Variants in CYYR1 observed in about 807,000 individuals in gnomAD.
CYYR1 encodes the protein cysteine and tyrosine rich 1.
A neutral mutation model predicts 15.2 loss-of-function variants in CYYR1; 14 were observed. The observed-to-expected ratio is 0.92, with a 90% CI of 0.61 to 1.44. The LOEUF (loss-of-function observed/expected upper bound fraction) is 1.44. Among genes scored for constraint, CYYR1 ranks in the 40% most tolerant of loss-of-function variants. The pLI, the probability that CYYR1 is intolerant of heterozygous loss-of-function variation, is 0.00. For missense variants in CYYR1, 228 were observed against 209.5 expected, an observed-to-expected ratio of 1.09 and a Z score of -0.54; for synonymous variants, 80 against 77.4, an observed-to-expected ratio of 1.03 and a Z score of -0.18.
intron 2 of CYYR1, among the ~76,000 whole-genome samples, chr21:26,549,297 GAAGAA>G (rs969048301): frequency 7.9e-5 from 12 of 152,046 alleles, no homozygotes; most frequent in Admixed American, 1.3e-4. Flanking sequence ...ATTTAGACTA[GAAGAA>G]AAGAGCCAGG....
Position 26,477,554 on chromosome 21 carries a change from C to A in CYYR1, c.334+2718G>T, listed in dbSNP as rs1351780066. ...AATTGAAATTTCAAACCCAAGAAAA[C>A]ATGTGACCTTACATTACTATCGTGA... On this transcript the variant is annotated intron_variant, in intron 3 of 3. Transcript: ENST00000652641. 9.5e-6 allele frequency: 3 copies of A among 315,666 alleles called. No homozygotes were observed. In the Admixed American group the frequency reaches 1.9e-4, roughly 20 times the overall value. The allele number at this position is 315,666 out of a possible 1,614,324, so 19.6% of individuals were successfully genotyped here.
chr21:26,557,785 T>A (rs1342406447), intron 2 of CYYR1, among the ~76,000 whole-genome samples: 2 of 151,828 alleles, frequency 1.3e-5, no homozygotes, highest in Admixed American at 1.3e-4. Context: ...AATGGAACAT[T>A]CCACCATCTG....
Position 26,467,371 on chromosome 21 carries a change from T to C in CYYR1, c.*1130A>G, listed in dbSNP as rs2064980322. 6.7e-6 allele frequency: 1 copy of C among 148,816 alleles called. No individual in the cohort carries two copies. The highest frequency in any genetic ancestry group is 2.1e-4 in the South Asian group (1 of 4,812). 9.2% of individuals were successfully genotyped at this position (148,816 alleles called of 1,614,324 possible). On this transcript the variant is annotated 3_prime_UTR_variant, in exon 4 of 4. Transcript: ENST00000652641. ...CAACAATTTGATGTCAGTATCTTAA[T>C]TGTGTCATTAACTTTTTTAAGAGAA... is the stretch of plus-strand genomic sequence containing the variant.
intron 2 of CYYR1, among the ~76,000 whole-genome samples, chr21:26,553,186 G>A (rs974975415): frequency 6.6e-6 from 1 of 152,062 alleles, no homozygotes; most frequent in African/African-American, 2.4e-5. Flanking sequence ...GGCCTCTAAG[G>A]TTTCTGATGA....
chr21:26,520,113 G>GATAGATATATAT (rs1323824516), intron 2 of CYYR1, among the ~76,000 whole-genome samples: 14 of 120,702 alleles, frequency 1.2e-4, no homozygotes, highest in African/African-American at 4.1e-4. Context: ...AAACCCAGGA[G>GATAGATATATAT]ATATATATAT....
chr21:26,498,740 TC>T (rs1432607109), intron 2 of CYYR1, among the ~76,000 whole-genome samples: 1 of 152,130 alleles, frequency 6.6e-6, no homozygotes, highest in Non-Finnish European at 1.5e-5. Flanking sequence ...TGGGGAGGCC[TC>T]AGGAAACTTA....
intron 2 of CYYR1, among the ~76,000 whole-genome samples, chr21:26,516,942 C>A (rs1387873698): frequency 6.6e-6 from 1 of 150,382 alleles, no homozygotes; most frequent in Non-Finnish European, 1.5e-5. Flanking sequence ...GGTGAAACCC[C>A]GTCTCTACTA....
At chr21:26,488,243 T>TA (rs59558966) in intron 2 of CYYR1, among the ~76,000 whole-genome samples, 29 of 135,150 alleles carry the variant, frequency 2.1e-4, no homozygotes, top group South Asian at 1.2e-3. Context: ...TTCCCCTACT[T>TA]CCTTCCTTCC....
intron 2 of CYYR1, among the ~76,000 whole-genome samples, chr21:26,525,402 C>G (rs2065851075): frequency 6.6e-6 from 1 of 152,082 alleles, no homozygotes; most frequent in Non-Finnish European, 1.5e-5. Flanking sequence ...CTCAAAGGTC[C>G]AAGCAGTGAG....
chr21:26,522,188 TG>T (rs1186835217), intron 2 of CYYR1, among the ~76,000 whole-genome samples: 1 of 152,240 alleles, frequency 6.6e-6, no homozygotes, highest in African/African-American at 2.4e-5. Flanking sequence ...ATATTCCCAC[TG>T]TAGAGAAGAT....
At chr21:26,482,251 C>T (rs2065191381) in intron 2 of CYYR1, 1 of 940,296 alleles carries the variant, frequency 1.1e-6, no homozygotes, top group African/African-American at 1.8e-5. Flanking sequence ...ATTATTATCG[C>T]ATTTATTTTA....
chr21:26,549,644 A>G (rs1418570467), intron 2 of CYYR1, among the ~76,000 whole-genome samples: 1 of 152,132 alleles, frequency 6.6e-6, no homozygotes, highest in African/African-American at 2.4e-5. Context: ...TTGATGCACT[A>G]CAGAAAAGTG....
intron 2 of CYYR1, among the ~76,000 whole-genome samples, chr21:26,501,843 G>A (rs1211594904): frequency 1.3e-5 from 2 of 152,132 alleles, no homozygotes; most frequent in African/African-American, 2.4e-5. Flanking sequence ...TGAAGAACAC[G>A]CCATGAGAGA....
intron 2 of CYYR1, among the ~76,000 whole-genome samples, chr21:26,501,242 G>A (rs568258293): frequency 8.3e-4 from 127 of 152,322 alleles, no homozygotes; most frequent in Non-Finnish European, 1.6e-3. Flanking sequence ...GGAGGCTGAA[G>A]CAGGAGAATC....
chr21:26,532,906 T>C (rs2065950192), intron 2 of CYYR1, among the ~76,000 whole-genome samples: 1 of 152,178 alleles, frequency 6.6e-6, no homozygotes, highest in South Asian at 2.1e-4. Flanking sequence ...AAATGTCGTA[T>C]AAAATTATCT....
At chr21:26,571,904 G>A (rs1981031590) in intron 1 of CYYR1, among the ~76,000 whole-genome samples, 1 of 152,216 alleles carries the variant, frequency 6.6e-6, no homozygotes, top group Admixed American at 6.5e-5. Context: ...GGCTAAAAAT[G>A]TCTACAGAAG....
intron 2 of CYYR1, among the ~76,000 whole-genome samples, chr21:26,559,074 G>C (rs563739714): frequency 1.3e-5 from 2 of 152,222 alleles, no homozygotes; most frequent in East Asian, 3.9e-4. Flanking sequence ...AACAGTTCTT[G>C]TTCTCCCATC....
intron 2 of CYYR1, among the ~76,000 whole-genome samples, chr21:26,539,777 G>A (rs1459366430): frequency 2.6e-5 from 4 of 151,982 alleles, no homozygotes; most frequent in African/African-American, 7.3e-5. Context: ...TTCTTCCCCC[G>A]CCCCCTAAGT....
At chr21:26,506,865 A>G (rs1207808673) in intron 2 of CYYR1, 2 of 152,166 alleles carry the variant, frequency 1.3e-5, no homozygotes, top group Non-Finnish European at 2.9e-5. Flanking sequence ...AGAAGCCCTT[A>G]GTGACCAGAA....
Sources: allele counts gnomAD v4.1 joint callset (sites outside exome capture counted in the v4.1 genomes callset), GRCh38; gene constraint gnomAD v4.1.1; transcripts MANE v1.5; gene names NCBI Gene and HGNC (gene_info 2026-07-23, HGNC 2026-07-21).